Variants in GARNL3 observed in about 807,000 individuals in gnomAD.
GARNL3 encodes the protein GTPase-activating Rap/Ran-GAP domain-like protein 3.
Under a neutral mutation model 125.0 loss-of-function variants are expected in GARNL3, and 63 were observed. The observed-to-expected ratio is 0.50, with a 90% CI of 0.41 to 0.62. The LOEUF is 0.62. GARNL3 is among the 20% of genes least tolerant of loss of function. The probability of loss-of-function intolerance (pLI) is 0.00; values close to 1 mark genes in which losing one functional copy is unlikely to be tolerated. For synonymous variants in GARNL3, 439 were observed against 457.5 expected, an observed-to-expected ratio of 0.96 and a Z score of 0.52; for missense variants, 994 against 1,244.0, an observed-to-expected ratio of 0.80 and a Z score of 3.02.
chr9:127,260,817 A>G (rs1588702643), upstream of GARNL3, among the ~76,000 whole-genome samples: 2 of 152,282 alleles, frequency 1.3e-5, no homozygotes, highest in East Asian at 1.9e-4. Flanking sequence ...TTATTCTTAC[A>G]CTACTTTCTA....
intron 9 of GARNL3, among the ~76,000 whole-genome samples, chr9:127,334,386 C>CT (rs1328998937): frequency 6.6e-6 from 1 of 152,176 alleles, no homozygotes; most frequent in African/African-American, 2.4e-5. Flanking sequence ...TGCAGGTCTC[C>CT]TTACCCTCTG....
chr9:127,282,999 C>G (rs1436380513), intron 1 of GARNL3, among the ~76,000 whole-genome samples: 1 of 152,014 alleles, frequency 6.6e-6, no homozygotes, highest in Non-Finnish European at 1.5e-5. Flanking sequence ...AGTATTCTTG[C>G]TTGGATCTTA....
intron 17 of GARNL3, among the ~76,000 whole-genome samples, chr9:127,349,585 T>C (rs1236107377): frequency 6.6e-6 from 1 of 152,168 alleles, no homozygotes; most frequent in Admixed American, 6.6e-5. Flanking sequence ...TCAGCCTTCC[T>C]GGGGAGTTAG....
intron 21 of GARNL3, among the ~76,000 whole-genome samples, chr9:127,358,369 G>A (rs1223098705): frequency 2.0e-5 from 3 of 152,340 alleles, no homozygotes; most frequent in East Asian, 3.9e-4. Context: ...TAGGTACTGA[G>A]GAAACCACAG....
chr9:127,246,794 G>GA (rs2131187981), intron 2 of GARNL3, among the ~76,000 whole-genome samples: 1 of 152,114 alleles, frequency 6.6e-6, no homozygotes, highest in African/African-American at 2.4e-5. Context: ...GCAACAGAGT[G>GA]AGACTCTGCC....
chr9:127,370,509 G>A (rs1028252950), intron 22 of GARNL3, among the ~76,000 whole-genome samples: 2 of 152,100 alleles, frequency 1.3e-5, no homozygotes, highest in African/African-American at 4.8e-5. Context: ...TCTCTGGCCC[G>A]GACCCCAGGA....
At chr9:127,231,024 A>G (rs10119635) in intron 1 of GARNL3, among the ~76,000 whole-genome samples, 347 of 82,836 alleles carry the variant, frequency 4.2e-3, no homozygotes, top group Middle Eastern at 0.025. Flanking sequence ...ATATACATAT[A>G]TGTATATATA....
intron 15 of GARNL3, 115 bp from the exon 16 acceptor site, chr9:127,345,288 G>A (rs769083857): frequency 9.2e-5 from 53 of 576,434 alleles, no homozygotes; most frequent in Non-Finnish European, 1.4e-4. Flanking sequence ...AGAGGAACCC[G>A]AAATGTTAGC....
rs183756113 is a variant in GARNL3, at chr9:127,378,543, T to G, written c.2162-4895T>G. Reference sequence around the variant, plus strand: ...CGGAGGTTGTGGTGAGCCGAGATCGTGCCATTGCATTTCAGCCTAGGCAAC... The same window carrying G: ...CGGAGGTTGTGGTGAGCCGAGATCGGGCCATTGCATTTCAGCCTAGGCAAC... On this transcript the variant is annotated intron_variant, in intron 22 of 27. Coordinates refer to ENST00000373387, the MANE Select transcript of GARNL3 (RefSeq NM_032293.5). Among the ~76,000 whole-genome samples, 41 of 142,462 alleles carry G rather than the reference T, an allele frequency of 2.9e-4. No individual in the cohort carries two copies. The East Asian group carries it at 7.7e-3, about 27-fold the overall frequency. The allele number at this position is 142,462 out of a possible 152,430, so 93.5% of individuals were successfully genotyped here. A position where few individuals can be genotyped will look rare whatever the true frequency, so the allele number is the denominator to read the frequency against.
chr9:127,342,097 C>G (rs1215813978), intron 13 of GARNL3, 122 bp from the exon 14 acceptor site: 3 of 701,130 alleles, frequency 4.3e-6, no homozygotes, highest in Admixed American at 5.2e-5. Flanking sequence ...GAAAAAAAAC[C>G]TCAAACAAAA....
chr9:127,365,042 AAAG>A (rs1268980181), intron 21 of GARNL3: 16 of 455,512 alleles, frequency 3.5e-5, no homozygotes, highest in Non-Finnish European at 5.8e-5. Flanking sequence ...ACGGCTATGA[AAAG>A]ATGATGAGAA....
intron 1 of GARNL3, among the ~76,000 whole-genome samples, chr9:127,286,286 G>T (rs967340894): frequency 1.1e-4 from 16 of 152,286 alleles, no homozygotes; most frequent in Admixed American, 8.5e-4. Context: ...ATCTCAGACT[G>T]CCTTCCTGTC....
Position 127,391,406 on chromosome 9 carries a change from T to G in GARNL3, c.2870+639T>G, listed in dbSNP as rs372534672. Among the ~76,000 whole-genome samples, 179 of 144,810 alleles carry G rather than the reference T, an allele frequency of 1.2e-3. 3 individuals are homozygous for G. In the East Asian group the frequency reaches 0.029, roughly 23 times the overall value. On this transcript the variant is annotated intron_variant, in intron 27 of 27. Coordinates refer to ENST00000373387, the MANE Select transcript of GARNL3 (RefSeq NM_032293.5). ...CAGAGAGTTTTTAAAATAAAAATGCTGGCTAGGCATGGTGGCTCATGCCTG... is the reference window on the plus strand; with the variant it reads ...CAGAGAGTTTTTAAAATAAAAATGCGGGCTAGGCATGGTGGCTCATGCCTG...
chr9:127,382,984 G>A (rs141971749), intron 22 of GARNL3, among the ~76,000 whole-genome samples: 1 of 152,306 alleles, frequency 6.6e-6, no homozygotes, highest in African/African-American at 2.4e-5. Context: ...CACAAGTGTG[G>A]GAGACAGTAG....
intron 2 of GARNL3, among the ~76,000 whole-genome samples, chr9:127,302,924 G>A (rs1007025706): frequency 4.6e-5 from 7 of 152,182 alleles, no homozygotes; most frequent in African/African-American, 1.7e-4. Context: ...GGCCGAGGTG[G>A]GTGGATCACG....
intron 1 of GARNL3, among the ~76,000 whole-genome samples, chr9:127,272,646 AT>A (rs1481345822): frequency 6.6e-6 from 1 of 151,944 alleles, no homozygotes; most frequent in African/African-American, 2.4e-5. Flanking sequence ...CGCCCAGCTA[AT>A]TTTTGTATTT....
intron 2 of GARNL3, among the ~76,000 whole-genome samples, chr9:127,294,736 T>C (rs1588780251): frequency 1.3e-5 from 2 of 152,330 alleles, no homozygotes; most frequent in Non-Finnish European, 2.9e-5. Context: ...TCATATAATG[T>C]GACAAAACAT....
At chr9:127,319,300 T>G (rs962858122) in intron 5 of GARNL3, among the ~76,000 whole-genome samples, 1 of 151,956 alleles carries the variant, frequency 6.6e-6, no homozygotes, top group Non-Finnish European at 1.5e-5. Context: ...CTGGCCAATA[T>G]AGTGAAACCC....
rs146957652 is a variant in GARNL3, at chr9:127,333,106, G to A, written c.754G>A (p.Gly252Ser). ...AAAGGGCTGGACGGGCTACCGTGGC[G>A]GTCTGGATACCAAAAGTAAGCCTGC... The part of the protein sequence containing the change: ...TLKGWTGYRG[G>S]LDTKNDTTGI... Residue 252 changes from glycine (G) to serine (S), a missense_variant, in exon 9 of 28, where the codon GGT (glycine) becomes AGT (serine). By Grantham distance (56) the Gly-to-Ser change is moderately conservative. Transcript: ENST00000373387. 5.0e-6 allele frequency: 8 copies of A among 1,613,298 alleles called. No individual in the cohort carries two copies. Among genetic ancestry groups the A allele is most frequent in the African/African-American group, 2.7e-5 (2 of 74,890 alleles).
Sources: allele counts gnomAD v4.1 joint callset (sites outside exome capture counted in the v4.1 genomes callset), GRCh38; gene constraint gnomAD v4.1.1; transcripts MANE v1.5; gene names NCBI Gene and HGNC (gene_info 2026-07-23, HGNC 2026-07-21).